Variants in CEP120 observed in about 807,000 individuals in gnomAD.
CEP120 encodes centrosomal protein of 120 kDa.
In CEP120, 113 loss-of-function variants were observed where a neutral mutation model predicts 126.5. That is an observed-to-expected ratio of 0.89 (90% CI 0.77 to 1.04). The LOEUF (loss-of-function observed/expected upper bound fraction) is 1.04. Among genes scored for constraint, CEP120 ranks in the 50% least tolerant of loss-of-function variants. The probability of loss-of-function intolerance (pLI) is 0.00; values close to 1 mark genes in which losing one functional copy is unlikely to be tolerated. For missense variants in CEP120, 1,230 were observed against 1,155.7 expected (o/e 1.06, Z -0.93); for synonymous variants, 400 against 394.3 (o/e 1.01, Z -0.17).
chr5:123,351,482 T>C (rs1301257549), intron 18 of CEP120, among the ~76,000 whole-genome samples: 1 of 152,164 alleles, frequency 6.6e-6, no homozygotes, highest in Non-Finnish European at 1.5e-5. Flanking sequence ...TACATGTCTT[T>C]TGGAACACAT....
intron 18 of CEP120, among the ~76,000 whole-genome samples, chr5:123,355,394 T>A (rs1769520091): frequency 6.6e-6 from 1 of 152,192 alleles, no homozygotes; most frequent in Non-Finnish European, 1.5e-5. Flanking sequence ...TAGTTTACAG[T>A]CCCACCAACA....
intron 2 of CEP120, among the ~76,000 whole-genome samples, chr5:123,418,080 A>C (rs900227201): frequency 2.6e-5 from 4 of 152,332 alleles, no homozygotes; most frequent in South Asian, 2.1e-4. Context: ...TAATGCCACA[A>C]ACGGAAAATT....
chr5:123,391,280 A>T lies in CEP120; in HGVS notation c.868T>A (p.Leu290Ile), dbSNP rs774772594. The change falls in exon 7 of 20, where the codon TTA (leucine) becomes ATA (isoleucine). Residue 290 changes from leucine (L) to isoleucine (I), a missense_variant. Physicochemically the swap from Leu to Ile is conservative, Grantham distance 5. Coordinates refer to ENST00000306467, the MANE Select transcript of CEP120 (RefSeq NM_001375405.1). ...ATTTCTGTACTGCCCTTTTTAAGTA[A>T]TCCAGTTAAAGGTATTTCTGTACTT... ...LGSTEIPLTG[L>I]LKKGSTEINQ... 2.5e-6 allele frequency: 4 copies of T among 1,614,186 alleles called. No homozygotes were observed. In the South Asian group the frequency reaches 4.4e-5, roughly 18 times the overall value.
intron 17 of CEP120, among the ~76,000 whole-genome samples, chr5:123,368,228 G>C (rs1262236208): frequency 6.6e-6 from 1 of 151,816 alleles, no homozygotes; most frequent in Non-Finnish European, 1.5e-5. Context: ...TCTGTATTCA[G>C]GGATGAATAA....
At position 123,423,277 on chromosome 5, in the gene CEP120, G is replaced by T; in HGVS notation, c.-279C>A. ...AAGCAGAGACAAGCCCGCCACCCGA[G>T]GACCTTTTGCCGCCTGCGTAGCCGC... is the stretch of plus-strand genomic sequence containing the variant. On this transcript the variant is annotated 5_prime_UTR_variant, in exon 1 of 20. Transcript: ENST00000306467. The T allele has an allele frequency of 2.1e-6, 1 of 475,494 alleles. No homozygotes were observed. The highest frequency in any genetic ancestry group is 3.7e-6 in the Non-Finnish European group (1 of 267,690). The allele number at this position is 475,494 out of a possible 1,614,324, so 29.5% of individuals were successfully genotyped here.
At chr5:123,399,766 G>A (rs1396613941) in intron 4 of CEP120, among the ~76,000 whole-genome samples, 3 of 152,154 alleles carry the variant, frequency 2.0e-5, no homozygotes, top group Admixed American at 6.5e-5. Flanking sequence ...ACAGAGGGAG[G>A]TGGGGCTGGA....
chr5:123,414,264 C>T (rs1486250095), intron 3 of CEP120, among the ~76,000 whole-genome samples: 2 of 152,154 alleles, frequency 1.3e-5, no homozygotes, highest in East Asian at 3.9e-4. Flanking sequence ...ATCAAGAGCC[C>T]AATCAAAGCC....
rs1337443772 is a variant in CEP120, at chr5:123,345,286, TAATA to T, written c.*1229_*1232del. On this transcript the variant is annotated 3_prime_UTR_variant, in exon 20 of 20. Coordinates refer to ENST00000306467, the MANE Select transcript of CEP120 (RefSeq NM_001375405.1). ...ACTCTGTTAATAAGGAAAAAATATA[TAATA>T]AATATAGGGACTTTAATTTCCCTAA... is the stretch of plus-strand genomic sequence containing the variant. 5 of 152,144 alleles carry T rather than the reference TAATA, an allele frequency of 3.3e-5. No homozygotes were observed. The allele number at this position is 152,144 out of a possible 1,614,324, so 9.4% of individuals were successfully genotyped here. A position where few individuals can be genotyped will look rare whatever the true frequency, so the allele number is the denominator to read the frequency against.
intron 13 of CEP120, 97 bp from the exon 14 acceptor site, chr5:123,382,297 T>C: frequency 1.8e-6 from 1 of 545,640 alleles, no homozygotes; most frequent in African/African-American, 2.0e-5. Flanking sequence ...ATCACTAATA[T>C]GATTTTTTCA....
intron 18 of CEP120, among the ~76,000 whole-genome samples, chr5:123,355,235 A>T (rs1769502525): frequency 6.6e-6 from 1 of 152,078 alleles, no homozygotes. Context: ...GAATAGTGCC[A>T]CAAGAAACAT....
intron 11 of CEP120, among the ~76,000 whole-genome samples, 193 bp from the exon 12 acceptor site, chr5:123,383,275 C>A (rs571078305): frequency 1.3e-5 from 2 of 152,160 alleles, no homozygotes; most frequent in South Asian, 2.1e-4. Context: ...ATCACAAACA[C>A]CCTGCTAAAT....
At chr5:123,407,401 A>C (rs936855882) in intron 4 of CEP120, among the ~76,000 whole-genome samples, 2 of 152,218 alleles carry the variant, frequency 1.3e-5, no homozygotes, top group African/African-American at 4.8e-5. Flanking sequence ...ATATAGATTA[A>C]AAGCTATACT....
At chr5:123,407,653 A>T (rs1773785577) in intron 4 of CEP120, among the ~76,000 whole-genome samples, 1 of 152,224 alleles carries the variant, frequency 6.6e-6, no homozygotes, top group Non-Finnish European at 1.5e-5. Context: ...ACACTATCAG[A>T]AATGGACAGA....
intron 17 of CEP120, among the ~76,000 whole-genome samples, chr5:123,370,668 T>C (rs1370111481): frequency 1.1e-5 from 1 of 89,322 alleles, no homozygotes; most frequent in Non-Finnish European, 2.3e-5. Flanking sequence ...TATATATACA[T>C]ATATGTGTGT....
intron 18 of CEP120, among the ~76,000 whole-genome samples, chr5:123,362,984 A>G (rs1409863601): frequency 6.6e-6 from 1 of 151,684 alleles, no homozygotes; most frequent in Non-Finnish European, 1.5e-5. Flanking sequence ...AGCCCTTGGC[A>G]TCATCTTTGA....
intron 18 of CEP120, among the ~76,000 whole-genome samples, chr5:123,356,591 T>A (rs1032502574): frequency 1.4e-5 from 2 of 147,036 alleles, no homozygotes; most frequent in African/African-American, 2.5e-5. Context: ...TGTTCCTTCT[T>A]CTCTCTCCTT....
chr5:123,355,158 G>A lies in CEP120; in HGVS notation c.2581-5069C>T, dbSNP rs557006388. On this transcript the variant is annotated intron_variant, in intron 18 of 19. Transcript: ENST00000306467. ...GCATAGTATTCCATGGTGTATATGC[G>A]CCATATTTTCTTAATCCAGTCTATC... Among the ~76,000 whole-genome samples, 349 of 152,164 alleles carry A rather than the reference G, an allele frequency of 2.3e-3. 5 individuals carry two copies. Among genetic ancestry groups the A allele is most frequent in the African/African-American group, 6.5e-4 (27 of 41,516 alleles).
At chr5:123,401,329 G>C (rs371576078) in intron 4 of CEP120, 2 of 1,603,230 alleles carry the variant, frequency 1.2e-6, no homozygotes, top group Non-Finnish European at 1.7e-6. Flanking sequence ...CACACTGCTC[G>C]GCATCTGCAA....
chr5:123,358,468 G>C (rs1463751344), intron 18 of CEP120: 1 of 152,002 alleles, frequency 6.6e-6, no homozygotes. Context: ...TAAGATTGCT[G>C]GTGATCTGTA....
Sources: gnomAD v4.1 joint callset for allele counts (sites outside exome capture counted in the v4.1 genomes callset) on GRCh38, gnomAD v4.1.1 for gene constraint, MANE v1.5 for transcripts, NCBI Gene and HGNC (gene_info 2026-07-23, HGNC 2026-07-21) for gene names.